The following EIPR1 variants were observed in gnomAD, a reference collection of about 807,000 sequenced individuals.
The protein encoded by EIPR1 is EARP complex and GARP complex interacting protein 1.
A neutral mutation model predicts 48.1 loss-of-function variants in EIPR1; 25 were observed. The ratio of observed to expected loss-of-function variants is 0.52; its 90% confidence interval spans 0.38 to 0.73. The LOEUF (loss-of-function observed/expected upper bound fraction) is 0.73, where lower values mean the gene tolerates loss of function less well. Ranked by LOEUF, EIPR1 falls within the 30% of genes least tolerant of loss-of-function variation. The pLI, the probability that EIPR1 is intolerant of heterozygous loss-of-function variation, is 0.00. For synonymous variants in EIPR1, 204 were observed against 201.9 expected (o/e 1.01, Z -0.09); for missense variants, 415 against 506.2 (o/e 0.82, Z 1.73).
chr2:3,308,546 G>A (rs989190914), intron 3 of EIPR1, among the ~76,000 whole-genome samples: 1 of 152,184 alleles, frequency 6.6e-6, no homozygotes, highest in Non-Finnish European at 1.5e-5. Context: ...CGGGACAATA[G>A]CAGATGGCCT....
intron 1 of EIPR1, among the ~76,000 whole-genome samples, chr2:3,370,086 T>C (rs1477426024): frequency 2.0e-5 from 3 of 151,904 alleles, no homozygotes; most frequent in Non-Finnish European, 4.4e-5. Context: ...ATCACGAAAA[T>C]CCGCGGTTCT....
chr2:3,284,258 G>C (rs553565216), intron 3 of EIPR1, among the ~76,000 whole-genome samples: 1 of 119,354 alleles, frequency 8.4e-6, no homozygotes, highest in Admixed American at 7.8e-5. Context: ...ACGGCTGCAC[G>C]TAAGCTGGGC....
chr2:3,351,152 C>T (rs1353662762), intron 2 of EIPR1, among the ~76,000 whole-genome samples: 1 of 151,992 alleles, frequency 6.6e-6, no homozygotes, highest in Non-Finnish European at 1.5e-5. Flanking sequence ...AGGTGCGTGC[C>T]ACCACACCCA....
At chr2:3,246,867 AGGAGGGAGGGAG>A (rs1186588646) in intron 4 of EIPR1, among the ~76,000 whole-genome samples, 15 of 22,780 alleles carry the variant, frequency 6.6e-4, no homozygotes, top group East Asian at 1.3e-3. Context: ...AAGGGAGGGA[AGGAGGGAGGGAG>A]GGAGGGAGGG....
intron 3 of EIPR1, among the ~76,000 whole-genome samples, chr2:3,299,635 C>CACACACACACACAT (rs1668709510): frequency 1.3e-5 from 2 of 150,564 alleles, no homozygotes; most frequent in East Asian, 1.9e-4. Context: ...CACACACACA[C>CACACACACACACAT]ACACACACAC....
chr2:3,330,556 T>C (rs1345207949), intron 3 of EIPR1, among the ~76,000 whole-genome samples: 1 of 99,880 alleles, frequency 1.0e-5, no homozygotes, highest in African/African-American at 3.2e-5. Context: ...TGAGCAGAGG[T>C]AGGAATGCGC....
chr2:3,218,957 C>A (rs1665756369), intron 4 of EIPR1, among the ~76,000 whole-genome samples: 2 of 151,104 alleles, frequency 1.3e-5, no homozygotes, highest in Admixed American at 6.6e-5. Context: ...GGTGCACACC[C>A]AGCAGGGCCC....
At chr2:3,348,056 A>G (rs1003437061) in intron 2 of EIPR1, among the ~76,000 whole-genome samples, 5 of 152,198 alleles carry the variant, frequency 3.3e-5, no homozygotes, top group African/African-American at 1.2e-4. Context: ...AGGTGAGAAC[A>G]GGACTTGCAG....
At chr2:3,282,166 A>G (rs950862253) in intron 3 of EIPR1, among the ~76,000 whole-genome samples, 5 of 152,210 alleles carry the variant, frequency 3.3e-5, no homozygotes, top group South Asian at 2.1e-4. Context: ...CCAACAGGAG[A>G]GCCAAGTCAG....
chr2:3,315,172 C>G (rs1223500625), intron 3 of EIPR1, among the ~76,000 whole-genome samples: 1,791 of 2,792 alleles, frequency 0.64, 580 homozygotes, highest in Middle Eastern at 0.92. Flanking sequence ...ATCATCACCA[C>G]CCCCTACCAC....
intron 4 of EIPR1, among the ~76,000 whole-genome samples, chr2:3,242,025 C>T (rs1463868672): frequency 6.6e-6 from 1 of 152,152 alleles, no homozygotes; most frequent in African/African-American, 2.4e-5. Context: ...CCTAGCCCCG[C>T]CGTCATGTAG....
At chr2:3,274,786 G>A (rs765055608) in intron 3 of EIPR1, among the ~76,000 whole-genome samples, 3 of 152,020 alleles carry the variant, frequency 2.0e-5, no homozygotes, top group Non-Finnish European at 2.9e-5. Flanking sequence ...AAGTATCTAA[G>A]ATAGAAGGGA....
At chr2:3,346,116 C>T (rs368909260) in intron 2 of EIPR1, among the ~76,000 whole-genome samples, 1 of 152,244 alleles carries the variant, frequency 6.6e-6, no homozygotes, top group Non-Finnish European at 1.5e-5. Context: ...CCCCACAAAC[C>T]GAGCATAGGC....
intron 3 of EIPR1, among the ~76,000 whole-genome samples, chr2:3,269,084 T>C (rs1381879476): frequency 6.6e-6 from 1 of 152,196 alleles, no homozygotes; most frequent in Non-Finnish European, 1.5e-5. Context: ...AGTTCCTGGC[T>C]TCCCCATCTA....
chr2:3,368,603 A>G (rs1359018649), intron 1 of EIPR1, among the ~76,000 whole-genome samples: 1 of 152,224 alleles, frequency 6.6e-6, no homozygotes, highest in Non-Finnish European at 1.5e-5. Context: ...GACCCACACA[A>G]CAAAGAAGAT....
intron 3 of EIPR1, among the ~76,000 whole-genome samples, chr2:3,262,607 C>T (rs535299439): frequency 1.8e-4 from 27 of 152,296 alleles, no homozygotes; most frequent in Admixed American, 6.5e-4. Context: ...CTTCTGGGGA[C>T]GCCTAGTAGA....
chr2:3,306,321 C>T (rs370588921), intron 3 of EIPR1, among the ~76,000 whole-genome samples: 6 of 152,286 alleles, frequency 3.9e-5, no homozygotes, highest in South Asian at 4.1e-4. Flanking sequence ...GTGTTTTATG[C>T]AGAATTCATT....
intron 4 of EIPR1, among the ~76,000 whole-genome samples, chr2:3,234,010 T>A (rs1409511636): frequency 6.6e-6 from 1 of 152,202 alleles, no homozygotes; most frequent in Non-Finnish European, 1.5e-5. Context: ...TAAAAGTGGC[T>A]ACAGACAATA....
chr2:3,334,930 T>C (rs1465885114), intron 3 of EIPR1, among the ~76,000 whole-genome samples: 1 of 152,170 alleles, frequency 6.6e-6, no homozygotes, highest in Non-Finnish European at 1.5e-5. Flanking sequence ...AAGGACACAA[T>C]CAACTTACAC....
Sources: gnomAD v4.1 joint callset for allele counts (sites outside exome capture counted in the v4.1 genomes callset) on GRCh38, gnomAD v4.1.1 for gene constraint, MANE v1.5 for transcripts, NCBI Gene and HGNC (gene_info 2026-07-23, HGNC 2026-07-21) for gene names.